Variants in GNB5 observed in about 807,000 individuals in gnomAD.
GNB5 encodes G protein subunit beta 5.
GNB5 carries 37 observed loss-of-function variants against 55.3 expected under a neutral mutation model. That is an observed-to-expected ratio of 0.67 (90% CI 0.51 to 0.88). The LOEUF is 0.88. Among genes scored for constraint, GNB5 ranks in the 40% least tolerant of loss-of-function variants. The probability of loss-of-function intolerance (pLI) is 0.00; values close to 1 mark genes in which losing one functional copy is unlikely to be tolerated. For missense variants in GNB5, 476 were observed against 515.3 expected (o/e 0.92, Z 0.74); for synonymous variants, 219 against 198.5 (o/e 1.10, Z -0.87).
intron 9 of GNB5, among the ~76,000 whole-genome samples, chr15:52,128,954 C>CT (rs536792407): frequency 0.059 from 7,448 of 126,990 alleles, 640 homozygotes; most frequent in East Asian, 0.4. Flanking sequence ...ATTGTTTCTC[C>CT]TTTTTTTTTT....
At chr15:52,165,890 C>A (rs770491537) in intron 3 of GNB5, among the ~76,000 whole-genome samples, 7 of 152,100 alleles carry the variant, frequency 4.6e-5, no homozygotes, top group African/African-American at 1.4e-4. Flanking sequence ...TTAAAAGACA[C>A]AGAATGGCAA....
chr15:52,160,478 G>C (rs1036000660), intron 3 of GNB5, among the ~76,000 whole-genome samples: 2 of 152,204 alleles, frequency 1.3e-5, no homozygotes, highest in Non-Finnish European at 2.9e-5. Flanking sequence ...TGAAATGGAG[G>C]AGCCATGAAA....
intron 2 of GNB5, among the ~76,000 whole-genome samples, chr15:52,182,585 G>T (rs148688005): frequency 2.2e-4 from 34 of 152,272 alleles, no homozygotes; most frequent in African/African-American, 7.2e-4. Flanking sequence ...GAGGAAGCTG[G>T]ATATCAGAAA....
chr15:52,156,605 T>C (rs902320446), intron 3 of GNB5, among the ~76,000 whole-genome samples: 1 of 152,110 alleles, frequency 6.6e-6, no homozygotes, highest in South Asian at 2.1e-4. Context: ...GTGGCACATA[T>C]CTGTGGTCCC....
At chr15:52,182,258 G>A (rs1252035418) in intron 2 of GNB5, among the ~76,000 whole-genome samples, 2 of 152,200 alleles carry the variant, frequency 1.3e-5, no homozygotes, top group Admixed American at 1.3e-4. Flanking sequence ...TGAGACACTG[G>A]GTCATGGGGG....
At chr15:52,175,612 G>A (rs2034634502) in intron 3 of GNB5, among the ~76,000 whole-genome samples, 1 of 152,172 alleles carries the variant, frequency 6.6e-6, no homozygotes, top group African/African-American at 2.4e-5. Flanking sequence ...GGTGGCACAT[G>A]CCTGTAGTCT....
intron 6 of GNB5, chr15:52,143,890 T>C (rs2033913320): frequency 6.6e-6 from 1 of 152,272 alleles, no homozygotes; most frequent in Non-Finnish European, 1.5e-5. Flanking sequence ...GAGTCAGTAT[T>C]AGTTTCGTCT....
chr15:52,135,773 A>T lies in GNB5; in HGVS notation c.628-17T>A. 6.2e-7 allele frequency: 1 copy of T among 1,611,228 alleles called. No homozygotes were observed. Among genetic ancestry groups the T allele is most frequent in the Non-Finnish European group, 8.5e-7 (1 of 1,179,654 alleles). ...TGTCAGGATCTGCCCGCAGAAAAGGACAGGAAGTGGGTGGTTGTGGTTATT... is the reference window on the plus strand; with the variant it reads ...TGTCAGGATCTGCCCGCAGAAAAGGTCAGGAAGTGGGTGGTTGTGGTTATT... On this transcript the variant is annotated splice_polypyrimidine_tract_variant and intron_variant, in intron 7 of 12. Coordinates refer to ENST00000261837, the MANE Select transcript of GNB5 (RefSeq NM_016194.4).
intron 12 of GNB5, 109 bp from the exon 13 acceptor site, chr15:52,122,877 T>C (rs2033307997): frequency 1.3e-6 from 1 of 799,736 alleles, no homozygotes; most frequent in Admixed American, 1.8e-5. Flanking sequence ...TGGGCATACA[T>C]ATATGTGTGT....
At chr15:52,188,766 T>C (rs899750214) in intron 1 of GNB5, among the ~76,000 whole-genome samples, 1 of 152,220 alleles carries the variant, frequency 6.6e-6, no homozygotes, top group South Asian at 2.1e-4. Context: ...AATATGTGAC[T>C]TAAAAAATTA....
At chr15:52,125,633 A>T (rs1487930134) in intron 11 of GNB5, 1 of 205,834 alleles carries the variant, frequency 4.9e-6, no homozygotes, top group African/African-American at 2.3e-5. Flanking sequence ...CCTTTGGGGC[A>T]TGAAGAGAAG....
chr15:52,118,159 C>T lies in GNB5; in HGVS notation c.*4598G>A, dbSNP rs906854840. 5 of 152,350 alleles carry T rather than the reference C, an allele frequency of 3.3e-5. No individual in the cohort carries two copies. Among genetic ancestry groups the T allele is most frequent in the Admixed American group, 2.6e-4 (4 of 15,282 alleles). The allele number at this position is 152,350 out of a possible 1,614,324, so 9.4% of individuals were successfully genotyped here. A position where few individuals can be genotyped will look rare whatever the true frequency, so the allele number is the denominator to read the frequency against. ...AGGCTTTCCCTAGGGTGGCTCTCCT[C>T]AATCATCCTGTCACCTCTTTCTTTG... On this transcript the variant is annotated 3_prime_UTR_variant, in exon 13 of 13. Transcript: ENST00000261837.
rs573584032 is a variant in GNB5, at chr15:52,122,712, G to A, written c.*45C>T. The A allele has an allele frequency of 6.7e-7, 1 of 1,481,496 alleles. No individual in the cohort carries two copies. The highest frequency in any genetic ancestry group is 1.4e-5 in the African/African-American group (1 of 72,530). The allele number at this position is 1,481,496 out of a possible 1,614,324, so 91.8% of individuals were successfully genotyped here. A position where few individuals can be genotyped will look rare whatever the true frequency, so the allele number is the denominator to read the frequency against. On this transcript the variant is annotated 3_prime_UTR_variant, in exon 13 of 13. Coordinates refer to ENST00000261837, the MANE Select transcript of GNB5 (RefSeq NM_016194.4). ...GAAGTAATATCTATTTACATGTGAA[G>A]ATTTCAAATTCTCAGGTATACATGA...
chr15:52,157,701 GATGATT>G (rs1021812818), intron 3 of GNB5, among the ~76,000 whole-genome samples: 18 of 152,092 alleles, frequency 1.2e-4, no homozygotes, highest in African/African-American at 4.3e-4. Context: ...TAATAAAAAA[GATGATT>G]CACCCAACCA....
intron 9 of GNB5, among the ~76,000 whole-genome samples, chr15:52,131,470 T>C (rs1048115002): frequency 1.3e-5 from 2 of 152,186 alleles, no homozygotes; most frequent in African/African-American, 4.8e-5. Context: ...TTATGTAGGA[T>C]TCTGGTATCT....
chr15:52,153,098 T>G (rs2034134405), intron 4 of GNB5, among the ~76,000 whole-genome samples: 1 of 152,228 alleles, frequency 6.6e-6, no homozygotes, highest in South Asian at 2.1e-4. Context: ...GTATCAGGGT[T>G]GTTCTGTGTG....
intron 3 of GNB5, among the ~76,000 whole-genome samples, chr15:52,177,332 C>T (rs1227121817): frequency 6.6e-6 from 1 of 151,838 alleles, no homozygotes; most frequent in Non-Finnish European, 1.5e-5. Context: ...CCTGTCGGTC[C>T]GAGACCCTGT....
intron 10 of GNB5, among the ~76,000 whole-genome samples, chr15:52,126,419 G>T (rs761604543): frequency 6.6e-6 from 1 of 152,058 alleles, no homozygotes; most frequent in Non-Finnish European, 1.5e-5. Context: ...AATCCTAGAG[G>T]TATTTACTAA....
chr15:52,143,372 A>C (rs532056243), intron 6 of GNB5, among the ~76,000 whole-genome samples: 1 of 152,312 alleles, frequency 6.6e-6, no homozygotes, highest in East Asian at 1.9e-4. Flanking sequence ...TGATGCATCC[A>C]GTGTCGAATC....
Sources: allele counts gnomAD v4.1 joint callset (sites outside exome capture counted in the v4.1 genomes callset), GRCh38; gene constraint gnomAD v4.1.1; transcripts MANE v1.5; gene names NCBI Gene and HGNC (gene_info 2026-07-23, HGNC 2026-07-21).